GFPT2: variants seen among roughly 807,000 people sequenced by gnomAD.
GFPT2 encodes glutamine--fructose-6-phosphate transaminase 2.
GFPT2 carries 62 observed loss-of-function variants against 85.6 expected under a neutral mutation model. The ratio of observed to expected loss-of-function variants is 0.72; its 90% CI spans 0.59 to 0.90. The LOEUF (loss-of-function observed/expected upper bound fraction) is 0.90. Ranked by LOEUF, GFPT2 falls within the 40% of genes least tolerant of loss-of-function variation. The probability of loss-of-function intolerance (pLI) is 0.00; values close to 1 mark genes in which losing one functional copy is unlikely to be tolerated. For synonymous variants in GFPT2, 368 were observed against 344.5 expected (o/e 1.07, Z -0.75); for missense variants, 788 against 893.4 (o/e 0.88, Z 1.50).
At chr5:180,322,674 G>T (rs1260392658) in intron 9 of GFPT2, among the ~76,000 whole-genome samples, 1 of 152,170 alleles carries the variant, frequency 6.6e-6, no homozygotes, top group African/African-American at 2.4e-5. Flanking sequence ...ATTTAAAAAT[G>T]TGTAATAGTA....
intron 1 of GFPT2, among the ~76,000 whole-genome samples, chr5:180,342,481 C>G (rs1764536933): frequency 7.1e-6 from 1 of 140,500 alleles, no homozygotes; most frequent in Non-Finnish European, 1.5e-5. Context: ...GTGATCTCGG[C>G]TCACTGCAAC....
At chr5:180,307,688 C>T (rs1763807501) in intron 15 of GFPT2, among the ~76,000 whole-genome samples, 1 of 152,222 alleles carries the variant, frequency 6.6e-6, no homozygotes, top group South Asian at 2.1e-4. Context: ...AGTGGGACCA[C>T]CGGTTCTCAA....
chr5:180,309,602 G>C (rs892821531), intron 15 of GFPT2, among the ~76,000 whole-genome samples: 3 of 151,876 alleles, frequency 2.0e-5, no homozygotes, highest in African/African-American at 7.3e-5. Flanking sequence ...AGTAGAGATG[G>C]GGTTTCACTG....
chr5:180,339,563 G>A (rs552837574), intron 1 of GFPT2, among the ~76,000 whole-genome samples: 1 of 152,296 alleles, frequency 6.6e-6, no homozygotes, highest in African/African-American at 2.4e-5. Context: ...TAGCCGTTGT[G>A]TTGGTTCTGC....
At chr5:180,336,350 C>A in intron 3 of GFPT2, 129 bp downstream of exon 3, 1 of 737,686 alleles carries the variant, frequency 1.4e-6, no homozygotes, top group South Asian at 1.5e-5. Context: ...ACAGCACGGG[C>A]TTAGCCCTCC....
chr5:180,329,019 TCTC>T (rs887978001), intron 6 of GFPT2, among the ~76,000 whole-genome samples: 36 of 152,318 alleles, frequency 2.4e-4, no homozygotes, highest in African/African-American at 8.7e-4. Flanking sequence ...AGAATCCAGC[TCTC>T]CTAACACAAG....
At chr5:180,321,424 G>T (rs1764117209) in intron 9 of GFPT2, among the ~76,000 whole-genome samples, 1 of 152,250 alleles carries the variant, frequency 6.6e-6, no homozygotes, top group Non-Finnish European at 1.5e-5. Flanking sequence ...GGCTTGAGGT[G>T]GACTCGGGGC....
Position 180,304,799 on chromosome 5 carries a change from G to A in GFPT2, c.1815C>T (p.Asn605=), listed in dbSNP as rs780150267. ...MKDPCFAKCQ[N]ALQQVTARQG... is the part of the protein sequence containing the mutation. ...GGCGGGCCGTGACTTGCTGCAGGGC[G>A]TTCTGGCATTTGGCGAAGCAAGGAT... is the stretch of plus-strand genomic sequence containing the variant. Residue 605 remains asparagine (N), a synonymous_variant, in exon 17 of 19, where the codon AAC becomes AAT. Coordinates refer to ENST00000253778, the MANE Select transcript of GFPT2 (RefSeq NM_005110.4). 1.7e-4 allele frequency: 270 copies of A among 1,613,834 alleles called. No individual in the cohort carries two copies. Among genetic ancestry groups the A allele is most frequent in the South Asian group, 3.8e-4 (35 of 91,082 alleles).
chr5:180,319,470 C>A (rs1344912449), intron 9 of GFPT2, among the ~76,000 whole-genome samples: 2 of 152,160 alleles, frequency 1.3e-5, no homozygotes, highest in African/African-American at 2.4e-5. Flanking sequence ...TTCAGAACAA[C>A]CACATACTTT....
chr5:180,313,483 G>A (rs938379513), intron 14 of GFPT2, among the ~76,000 whole-genome samples: 8 of 150,716 alleles, frequency 5.3e-5, no homozygotes, highest in African/African-American at 1.9e-4. Context: ...CCAGCTACTC[G>A]GGAGGCTGAG....
At chr5:180,343,243 C>T (rs76056450) in intron 1 of GFPT2, among the ~76,000 whole-genome samples, 1,884 of 152,292 alleles carry the variant, frequency 0.012, 42 homozygotes, top group African/African-American at 0.043. Flanking sequence ...CCCTGCAGCT[C>T]CCCCACCTCC....
chr5:180,340,847 C>T (rs1187931156), intron 1 of GFPT2, among the ~76,000 whole-genome samples: 1 of 152,144 alleles, frequency 6.6e-6, no homozygotes, highest in Non-Finnish European at 1.5e-5. Context: ...TCATCCCATT[C>T]GTGAGGCCCA....
intron 15 of GFPT2, among the ~76,000 whole-genome samples, chr5:180,312,179 CT>C (rs1561873455): frequency 0.04 from 3,465 of 85,800 alleles, 803 homozygotes; most frequent in African/African-American, 0.062. Flanking sequence ...GGCAGGGAGG[CT>C]GAGGACCAGG....
chr5:180,311,388 A>G (rs1763877860), intron 15 of GFPT2, among the ~76,000 whole-genome samples: 1 of 152,200 alleles, frequency 6.6e-6, no homozygotes, highest in Admixed American at 6.5e-5. Context: ...GGTTCTTAAT[A>G]TATGTGGTGG....
Position 180,353,320 on chromosome 5 carries a change from C to G in GFPT2, c.-103G>C. ...CCGTGGGCTCCGTGGGCTCCGTGGG[C>G]TCCGCGGGCTCCAGCTCCCGTCCGC... On this transcript the variant is annotated 5_prime_UTR_variant, in exon 1 of 19. Coordinates refer to ENST00000253778, the MANE Select transcript of GFPT2 (RefSeq NM_005110.4). 2 of 890,008 alleles carry G rather than the reference C, an allele frequency of 2.2e-6. No individual in the cohort carries two copies. The highest frequency in any genetic ancestry group is 2.9e-6 in the Non-Finnish European group (2 of 684,628). 55.1% of individuals were successfully genotyped at this position (890,008 alleles called of 1,614,324 possible). A position where few individuals can be genotyped will look rare whatever the true frequency, so the allele number is the denominator to read the frequency against.
chr5:180,317,750 C>G (rs1764042285), intron 10 of GFPT2, among the ~76,000 whole-genome samples: 1 of 71,342 alleles, frequency 1.4e-5, no homozygotes, highest in South Asian at 5.6e-4. Context: ...CAGAGCAAGA[C>G]TCCGTCTCAA....
chr5:180,325,001 G>T, intron 7 of GFPT2, 106 bp from the exon 8 acceptor site: 1 of 773,416 alleles, frequency 1.3e-6, no homozygotes, highest in South Asian at 1.4e-5. Flanking sequence ...CTTTCCCAGT[G>T]GTGGAGGATC....
chr5:180,313,438 A>G (rs920794720), intron 14 of GFPT2, among the ~76,000 whole-genome samples: 7 of 146,068 alleles, frequency 4.8e-5, no homozygotes, highest in Non-Finnish European at 1.1e-4. Flanking sequence ...AAAAATACAA[A>G]AAATGAGCCG....
At position 180,328,370 on chromosome 5, in the gene GFPT2, G is replaced by A. The variant is rs550915844; in HGVS notation, c.535-32C>T. ...ACACACAAACAGTGAGGGTCAACGC[G>A]TTCCAGCAGCCGCTGCTGCAGCCTG... On this transcript the variant is annotated intron_variant, in intron 6 of 18. Transcript: ENST00000253778. The surrounding 1 kb of genome is among the most constrained non-coding windows in gnomAD (Gnocchi z 5.4). 2.0e-5 allele frequency: 31 copies of A among 1,570,338 alleles called. No individual in the cohort carries two copies. Among genetic ancestry groups the A allele is most frequent in the African/African-American group, 6.7e-5 (5 of 74,176 alleles).
Sources: gnomAD v4.1 joint callset for allele counts (sites outside exome capture counted in the v4.1 genomes callset) on GRCh38, gnomAD v4.1.1 for gene constraint, Gnocchi (gnomAD v3.1) non-coding constraint, MANE v1.5 for transcripts, NCBI Gene and HGNC (gene_info 2026-07-23, HGNC 2026-07-21) for gene names.